Variants in SLC25A33 observed in about 807,000 individuals in gnomAD.
SLC25A33 encodes bone marrow stromal cell mitochondrial carrier protein.
In SLC25A33, 15 loss-of-function variants were observed where a neutral mutation model predicts 35.5. That is an observed-to-expected ratio of 0.42 (90% CI 0.28 to 0.65). The LOEUF is 0.65. Ranked by LOEUF, SLC25A33 falls within the 30% of genes least tolerant of loss-of-function variation. The pLI, the probability that SLC25A33 is intolerant of heterozygous loss-of-function variation, is 0.20. For missense variants in SLC25A33, 257 were observed against 398.5 expected (o/e 0.64, Z 3.02); for synonymous variants, 136 against 148.7 (o/e 0.91, Z 0.62).
At chr1:9,580,354 G>A in intron 6 of SLC25A33, 120 bp downstream of exon 6, 1 of 1,276,184 alleles carries the variant, frequency 7.8e-7, no homozygotes, top group Non-Finnish European at 1.1e-6. Context: ...TAAGGTCAGT[G>A]AGTATGAGGG....
In SLC25A33 at chr1:9,539,855, T is replaced by C; in HGVS notation, c.56+108T>C. On this transcript the variant is annotated intron_variant, in intron 1 of 6. Coordinates refer to ENST00000302692, the MANE Select transcript of SLC25A33 (RefSeq NM_032315.3). ...CGGCGGTTACCGGCCTTCCCCGGGC[T>C]ACGGCGCCGGCGCTCGGGAGGAGGA... 4 of 1,059,866 alleles carry C rather than the reference T, an allele frequency of 3.8e-6. No individual in the cohort carries two copies. The South Asian group carries it at 1.1e-4, about 30-fold the overall frequency. 65.7% of individuals were successfully genotyped at this position (1,059,866 alleles called of 1,614,324 possible).
chr1:9,556,143 T>G, intron 2 of SLC25A33: 6 of 973,096 alleles, frequency 6.2e-6, no homozygotes, highest in Non-Finnish European at 7.3e-6. Flanking sequence ...GATGGGACTG[T>G]GAGAACACTC....
At chr1:9,570,704 T>TG (rs1229526838) in intron 4 of SLC25A33, among the ~76,000 whole-genome samples, 3 of 127,034 alleles carry the variant, frequency 2.4e-5, no homozygotes, top group African/African-American at 1.1e-4. Context: ...TAGATATAGT[T>TG]TTTTTTTTTT....
intron 1 of SLC25A33, among the ~76,000 whole-genome samples, chr1:9,551,665 T>C (rs1308291075): frequency 3.9e-5 from 6 of 152,180 alleles, no homozygotes; most frequent in African/African-American, 9.7e-5. Context: ...ACAGCTTTTC[T>C]CCAAGGAGCT....
Position 9,539,733 on chromosome 1 carries a change from C to T in SLC25A33, c.42C>T (p.His14=). Residue 14 remains histidine, a synonymous_variant, in exon 1 of 7, where the codon CAC becomes CAT. Transcript: ENST00000302692. ...AGCAGAAGGAGAACACGCTGCTTCA[C>T]CTCTTCGCCGGCGGGTGAGTTCCCG... The part of the protein sequence containing the change: ...GGQQKENTLL[H]LFAGGCGGTV... 1.4e-6 allele frequency: 2 copies of T among 1,407,422 alleles called. No homozygotes were observed. Among genetic ancestry groups the T allele is most frequent in the East Asian group, 3.2e-5 (1 of 30,836 alleles). The allele number at this position is 1,407,422 out of a possible 1,614,324, so 87.2% of individuals were successfully genotyped here. A position where few individuals can be genotyped will look rare whatever the true frequency, so the allele number is the denominator to read the frequency against.
chr1:9,554,060 A>G (rs556581441), intron 2 of SLC25A33, among the ~76,000 whole-genome samples: 2 of 152,350 alleles, frequency 1.3e-5, no homozygotes, highest in East Asian at 3.9e-4. Context: ...ATCCACGTGT[A>G]AATTGTTGCA....
intron 1 of SLC25A33, among the ~76,000 whole-genome samples, chr1:9,541,094 G>A (rs1047851061): frequency 1.3e-5 from 2 of 151,196 alleles, no homozygotes; most frequent in African/African-American, 4.9e-5. Flanking sequence ...CGATTCTCCT[G>A]CCTCAGCCTC....
At chr1:9,563,264 A>G (rs1643452863) in intron 2 of SLC25A33, among the ~76,000 whole-genome samples, 1 of 152,206 alleles carries the variant, frequency 6.6e-6, no homozygotes, top group Non-Finnish European at 1.5e-5. Flanking sequence ...CCATCTGTGA[A>G]TAGACATAGT....
At chr1:9,551,433 C>T (rs1228663268) in intron 1 of SLC25A33, among the ~76,000 whole-genome samples, 1 of 152,120 alleles carries the variant, frequency 6.6e-6, no homozygotes, top group Non-Finnish European at 1.5e-5. Context: ...TTACTTCATT[C>T]GTTACTTTCA....
intron 2 of SLC25A33, among the ~76,000 whole-genome samples, chr1:9,565,926 G>A (rs1285692330): frequency 3.3e-5 from 5 of 151,886 alleles, no homozygotes; most frequent in African/African-American, 4.8e-5. Context: ...AAGCAGTCAC[G>A]GTATAATCTT....
intron 2 of SLC25A33, among the ~76,000 whole-genome samples, chr1:9,558,973 T>A (rs1287555209): frequency 3.3e-5 from 5 of 152,130 alleles, no homozygotes; most frequent in African/African-American, 1.2e-4. Context: ...ACTTCTGACT[T>A]TTCATCTCCT....
chr1:9,545,940 G>A (rs1381410716), intron 1 of SLC25A33, among the ~76,000 whole-genome samples: 1 of 151,454 alleles, frequency 6.6e-6, no homozygotes, highest in Non-Finnish European at 1.5e-5. Flanking sequence ...TCCAGCCTGG[G>A]CAACAGAGCG....
intron 2 of SLC25A33, among the ~76,000 whole-genome samples, chr1:9,563,135 AG>A (rs1487604532): frequency 2.0e-5 from 3 of 152,012 alleles, no homozygotes; most frequent in African/African-American, 7.2e-5. Flanking sequence ...TGTGTTAGCC[AG>A]GACGGTCTCG....
chr1:9,572,638 G>C (rs1557535436), intron 4 of SLC25A33, among the ~76,000 whole-genome samples: 1 of 151,924 alleles, frequency 6.6e-6, no homozygotes, highest in African/African-American at 2.4e-5. Flanking sequence ...AAAAACCAGT[G>C]TCTTCCTAGT....
chr1:9,580,865 A>T (rs5772372), intron 6 of SLC25A33, among the ~76,000 whole-genome samples: 72,581 of 129,054 alleles, frequency 0.56, 20,150 homozygotes, highest in Admixed American at 0.65. Flanking sequence ...AAAAAAAAAA[A>T]AATAATAATA....
intron 2 of SLC25A33, among the ~76,000 whole-genome samples, chr1:9,565,044 C>T (rs1007052748): frequency 3.3e-5 from 5 of 151,966 alleles, no homozygotes; most frequent in African/African-American, 4.8e-5. Context: ...ATAAGAGATA[C>T]CTAGAGTTGT....
intron 2 of SLC25A33, chr1:9,556,304 T>G: frequency 1.1e-6 from 1 of 938,574 alleles, no homozygotes; most frequent in Non-Finnish European, 1.3e-6. Context: ...TCTTGCCAAA[T>G]AATCATGACT....
At chr1:9,580,596 G>A (rs544722956) in intron 6 of SLC25A33, among the ~76,000 whole-genome samples, 3 of 152,256 alleles carry the variant, frequency 2.0e-5, no homozygotes, top group African/African-American at 4.8e-5. Context: ...GGTGGCTCAC[G>A]CCTGTAATCC....
chr1:9,578,543 T>C lies in SLC25A33; in HGVS notation c.483-1411T>C, dbSNP rs888587503. ...TTTGATGTTTTATGATTTTATAAAT[T>C]TAGCAATAATAGAATCTATTTGGAG... On this transcript the variant is annotated intron_variant, in intron 5 of 6. Coordinates refer to ENST00000302692, the MANE Select transcript of SLC25A33 (RefSeq NM_032315.3). This position sits in a 1 kb window ranked among gnomAD's most constrained non-coding sequence, Gnocchi z 4.3. Among the ~76,000 whole-genome samples, 1 of 152,226 alleles carries C rather than the reference T, an allele frequency of 6.6e-6. No individual in the cohort carries two copies. The highest frequency in any genetic ancestry group is 2.4e-5 in the African/African-American group (1 of 41,462).
Sources: gnomAD v4.1 joint callset for allele counts (sites outside exome capture counted in the v4.1 genomes callset) on GRCh38, gnomAD v4.1.1 for gene constraint, Gnocchi (gnomAD v3.1) non-coding constraint, MANE v1.5 for transcripts, NCBI Gene and HGNC (gene_info 2026-07-23, HGNC 2026-07-21) for gene names.